The following WWOX variants were observed in gnomAD, a reference collection of about 807,000 sequenced individuals.
WWOX encodes WW domain-containing oxidoreductase.
Under a neutral mutation model 46.2 loss-of-function variants are expected in WWOX, and 69 were observed. That is an observed-to-expected ratio of 1.49 (90% CI 1.23 to 1.82). The LOEUF is 1.82. WWOX is among the 40% of genes most tolerant of loss of function. The pLI is 0.00. For missense variants in WWOX, 919 were observed against 542.6 expected, an observed-to-expected ratio of 1.69 and a Z score of -6.89; for synonymous variants, 359 against 202.6, an observed-to-expected ratio of 1.77 and a Z score of -6.56.
chr16:78,766,923 A>G (rs561888614), intron 8 of WWOX, among the ~76,000 whole-genome samples: 4 of 152,350 alleles, frequency 2.6e-5, no homozygotes, highest in Middle Eastern at 3.4e-3. Flanking sequence ...CTTTTAAAAA[A>G]TAACTGCCCC....
intron 8 of WWOX, among the ~76,000 whole-genome samples, chr16:78,685,785 TGTG>T (rs2047841293): frequency 6.6e-6 from 1 of 152,016 alleles, no homozygotes; most frequent in Non-Finnish European, 1.5e-5. Context: ...TTCTCCCATG[TGTG>T]GTGTATCTGT....
At chr16:78,549,705 A>G (rs947015566) in intron 8 of WWOX, among the ~76,000 whole-genome samples, 1 of 152,150 alleles carries the variant, frequency 6.6e-6, no homozygotes, top group Non-Finnish European at 1.5e-5. Context: ...AAATCACTAC[A>G]TATTATAGGA....
chr16:78,635,046 G>A (rs776669692), intron 8 of WWOX, among the ~76,000 whole-genome samples: 48 of 152,122 alleles, frequency 3.2e-4, no homozygotes, highest in Admixed American at 6.5e-4. Context: ...CGGCTTCCCT[G>A]CGGGACATAT....
intron 8 of WWOX, among the ~76,000 whole-genome samples, chr16:78,600,231 T>C (rs965169535): frequency 6.6e-6 from 1 of 151,972 alleles, no homozygotes; most frequent in Non-Finnish European, 1.5e-5. Context: ...CACATGGGAA[T>C]TGTGGGAGCG....
chr16:78,379,455 C>T (rs995979446), intron 5 of WWOX, among the ~76,000 whole-genome samples: 4 of 152,172 alleles, frequency 2.6e-5, no homozygotes, highest in African/African-American at 7.2e-5. Flanking sequence ...TCTTCCACCT[C>T]CAGCCACTGT....
In WWOX at chr16:79,211,858, C is replaced by T. The variant is rs748271573; in HGVS notation, c.*62C>T. 3 of 1,603,754 alleles carry T rather than the reference C, an allele frequency of 1.9e-6. No individual in the cohort carries two copies. Among genetic ancestry groups the T allele is most frequent in the African/African-American group, 1.3e-5 (1 of 74,758 alleles). On this transcript the variant is annotated 3_prime_UTR_variant, in exon 9 of 9. Coordinates refer to ENST00000566780, the MANE Select transcript of WWOX (RefSeq NM_016373.4). ...TGTGTGTGTCCCCTCACGCAAGTGC[C>T]AGGGCTGGGCCCCTTCCAAATGTCC...
intron 8 of WWOX, among the ~76,000 whole-genome samples, chr16:79,169,181 A>G (rs879516787): frequency 1.3e-5 from 2 of 152,230 alleles, no homozygotes; most frequent in Non-Finnish European, 2.9e-5. Flanking sequence ...AACATTAAAT[A>G]ACATGTCCAA....
At chr16:79,191,582 A>T (rs2150808842) in intron 8 of WWOX, among the ~76,000 whole-genome samples, 1 of 152,338 alleles carries the variant, frequency 6.6e-6, no homozygotes, top group South Asian at 2.1e-4. Flanking sequence ...CGTTTTTCTC[A>T]ATTACTGATG....
At chr16:79,086,456 G>A (rs57739271) in intron 8 of WWOX, among the ~76,000 whole-genome samples, 6,044 of 152,258 alleles carry the variant, frequency 0.04, 388 homozygotes, top group African/African-American at 0.13. Context: ...ATGACCTTTT[G>A]AAAATAGATT....
chr16:79,200,845 G>A (rs911257522), intron 8 of WWOX, among the ~76,000 whole-genome samples: 2 of 152,150 alleles, frequency 1.3e-5, no homozygotes, highest in Non-Finnish European at 2.9e-5. Flanking sequence ...CAGGTGACAG[G>A]CGAGTCTCTA....
chr16:78,918,949 T>C (rs892383501), intron 8 of WWOX, among the ~76,000 whole-genome samples: 7 of 152,154 alleles, frequency 4.6e-5, no homozygotes, highest in African/African-American at 1.7e-4. Context: ...GTAAGAAGAG[T>C]ACCTTTCTGA....
At chr16:78,450,242 T>C (rs902494918) in intron 8 of WWOX, among the ~76,000 whole-genome samples, 1 of 152,216 alleles carries the variant, frequency 6.6e-6, no homozygotes, top group Non-Finnish European at 1.5e-5. Flanking sequence ...TGAACCACTT[T>C]AAACATTGCA....
intron 5 of WWOX, among the ~76,000 whole-genome samples, chr16:78,322,832 A>C (rs987155530): frequency 6.6e-6 from 1 of 152,198 alleles, no homozygotes; most frequent in Non-Finnish European, 1.5e-5. Flanking sequence ...GAAAATGAGT[A>C]TGGGAGTGTT....
chr16:78,705,744 T>C (rs1200063332), intron 8 of WWOX, among the ~76,000 whole-genome samples: 1 of 152,212 alleles, frequency 6.6e-6, no homozygotes, highest in Non-Finnish European at 1.5e-5. Context: ...TGTAATGCTG[T>C]ATGTACCATC....
At chr16:78,686,165 A>T (rs1329244107) in intron 8 of WWOX, among the ~76,000 whole-genome samples, 1 of 152,126 alleles carries the variant, frequency 6.6e-6, no homozygotes, top group Non-Finnish European at 1.5e-5. Context: ...TGGCTATAGG[A>T]ATCTGGTTCT....
At chr16:78,191,782 G>C (rs567274136) in intron 5 of WWOX, among the ~76,000 whole-genome samples, 1 of 152,276 alleles carries the variant, frequency 6.6e-6, no homozygotes, top group East Asian at 1.9e-4. Flanking sequence ...CTGCTGTGTG[G>C]AAAAATGAAC....
At chr16:79,109,408 G>A (rs1287036235) in intron 8 of WWOX, among the ~76,000 whole-genome samples, 7 of 152,120 alleles carry the variant, frequency 4.6e-5, no homozygotes, top group Admixed American at 3.3e-4. Context: ...ATCAAGTAGC[G>A]GTGATAGGTT....
intron 5 of WWOX, among the ~76,000 whole-genome samples, chr16:78,370,788 TGG>T (rs58327362): frequency 0.62 from 76,582 of 124,102 alleles, 25,078 homozygotes; most frequent in Non-Finnish European, 0.72. Context: ...CTTTTTTTTT[TGG>T]GGGGGGGGGG....
intron 8 of WWOX, among the ~76,000 whole-genome samples, chr16:78,909,866 T>C (rs1158883487): frequency 1.3e-5 from 2 of 152,212 alleles, no homozygotes; most frequent in Non-Finnish European, 2.9e-5. Flanking sequence ...AAATGGCACA[T>C]TGCATGCTTA....
Sources: gnomAD v4.1 joint callset for allele counts (sites outside exome capture counted in the v4.1 genomes callset) on GRCh38, gnomAD v4.1.1 for gene constraint, MANE v1.5 for transcripts, NCBI Gene and HGNC (gene_info 2026-07-23, HGNC 2026-07-21) for gene names.